The following NPAS3 variants were observed in gnomAD, a reference collection of about 807,000 sequenced individuals.
The protein encoded by NPAS3 is neuronal PAS domain protein 3.
NPAS3 carries 14 observed loss-of-function variants against 73.1 expected under a neutral mutation model. The observed-to-expected ratio is 0.19, with a 90% CI of 0.13 to 0.30. NPAS3 has a LOEUF of 0.30. Ranked by LOEUF, NPAS3 falls within the 10% of genes least tolerant of loss-of-function variation. The pLI is 1.00. For missense variants in NPAS3, 1,096 were observed against 1,250.0 expected (o/e 0.88, Z 1.86); for synonymous variants, 620 against 541.5 (o/e 1.14, Z -2.01).
At chr14:33,704,093 A>C (rs2060593719) in intron 6 of NPAS3, among the ~76,000 whole-genome samples, 1 of 152,248 alleles carries the variant, frequency 6.6e-6, no homozygotes, top group African/African-American at 2.4e-5. Flanking sequence ...GATGAAAGAA[A>C]ACCCGTAGAA....
chr14:33,715,089 C>A (rs1400782122), intron 6 of NPAS3, among the ~76,000 whole-genome samples: 1 of 152,010 alleles, frequency 6.6e-6, no homozygotes, highest in Non-Finnish European at 1.5e-5. Context: ...GTCATTTGAC[C>A]CAGATTGTAT....
chr14:33,022,592 G>A (rs573844469), intron 1 of NPAS3, among the ~76,000 whole-genome samples: 1 of 150,960 alleles, frequency 6.6e-6, no homozygotes, highest in Admixed American at 6.6e-5. Flanking sequence ...GTGAACCCGG[G>A]AGGCGGAGCC....
At chr14:33,380,604 C>T (rs1048960634) in intron 4 of NPAS3, among the ~76,000 whole-genome samples, 1 of 152,054 alleles carries the variant, frequency 6.6e-6, no homozygotes. Flanking sequence ...TGCAGTAGAA[C>T]CGTGTCTAAG....
chr14:33,464,172 G>A (rs142808269), intron 4 of NPAS3, among the ~76,000 whole-genome samples: 1 of 152,160 alleles, frequency 6.6e-6, no homozygotes, highest in East Asian at 1.9e-4. Flanking sequence ...TTTGCTTAAT[G>A]CATTCATTGC....
chr14:33,024,441 A>G (rs902310807), intron 1 of NPAS3, among the ~76,000 whole-genome samples: 88 of 152,176 alleles, frequency 5.8e-4, no homozygotes, highest in African/African-American at 2.0e-3. Context: ...AAGTGCTGGG[A>G]TTACAGGCGT....
chr14:33,256,611 G>A (rs1594524907), intron 3 of NPAS3, among the ~76,000 whole-genome samples: 2 of 152,238 alleles, frequency 1.3e-5, no homozygotes, highest in Non-Finnish European at 2.9e-5. Flanking sequence ...CCGTTATAAT[G>A]TTTCATTACA....
chr14:33,449,645 A>G (rs2049697340), intron 4 of NPAS3, among the ~76,000 whole-genome samples: 1 of 152,096 alleles, frequency 6.6e-6, no homozygotes, highest in African/African-American at 2.4e-5. Context: ...ACACACACAC[A>G]CACACAGAGA....
chr14:33,487,430 A>G (rs1315474761), intron 4 of NPAS3, among the ~76,000 whole-genome samples: 1 of 152,170 alleles, frequency 6.6e-6, no homozygotes. Flanking sequence ...TTTAATCCCA[A>G]ATGGAGGCTT....
chr14:33,141,151 T>A (rs758253584), intron 2 of NPAS3, among the ~76,000 whole-genome samples: 1 of 152,212 alleles, frequency 6.6e-6, no homozygotes, highest in Non-Finnish European at 1.5e-5. Context: ...GTCAAGAATT[T>A]GACATGCCAA....
chr14:33,003,791 G>T (rs1476108773), intron 1 of NPAS3, among the ~76,000 whole-genome samples: 1 of 152,198 alleles, frequency 6.6e-6, no homozygotes. Context: ...TTCAAGAATA[G>T]TGTGTGTGAT....
intron 5 of NPAS3, chr14:33,612,453 T>C (rs1020435430): frequency 2.2e-6 from 1 of 455,952 alleles, no homozygotes; most frequent in African/African-American, 2.0e-5. Flanking sequence ...TCCAAGCAGA[T>C]GTTCTGTGGC....
intron 3 of NPAS3, among the ~76,000 whole-genome samples, chr14:33,365,340 G>C (rs1425847442): frequency 1.3e-5 from 2 of 151,964 alleles, no homozygotes; most frequent in East Asian, 3.9e-4. Context: ...AAATGCCAAA[G>C]GAGTTTTGAA....
At chr14:33,537,297 G>T (rs2054300205) in intron 4 of NPAS3, among the ~76,000 whole-genome samples, 1 of 151,926 alleles carries the variant, frequency 6.6e-6, no homozygotes, top group African/African-American at 2.4e-5. Flanking sequence ...CCTAATTTAG[G>T]GCACATTAGA....
At chr14:33,774,998 G>A (rs1204914412) in intron 8 of NPAS3, among the ~76,000 whole-genome samples, 2 of 152,092 alleles carry the variant, frequency 1.3e-5, no homozygotes, top group African/African-American at 2.4e-5. Context: ...AATTTACAAA[G>A]CTATTAAATA....
chr14:33,627,184 G>T (rs996737307), intron 5 of NPAS3, among the ~76,000 whole-genome samples: 1 of 152,156 alleles, frequency 6.6e-6, no homozygotes, highest in Non-Finnish European at 1.5e-5. Context: ...TCCACACTGG[G>T]TCACAGCATT....
intron 4 of NPAS3, among the ~76,000 whole-genome samples, chr14:33,424,493 G>A (rs2048475899): frequency 6.6e-6 from 1 of 151,970 alleles, no homozygotes; most frequent in Non-Finnish European, 1.5e-5. Context: ...AGGGCACTGG[G>A]GGTGGAGGCT....
At chr14:33,110,516 A>G (rs1208174423) in intron 2 of NPAS3, among the ~76,000 whole-genome samples, 3 of 152,208 alleles carry the variant, frequency 2.0e-5, no homozygotes, top group Non-Finnish European at 2.9e-5. Flanking sequence ...AACTTTTTGA[A>G]CACAAAAACC....
chr14:33,327,960 C>A (rs757234000), intron 3 of NPAS3, among the ~76,000 whole-genome samples: 29 of 152,142 alleles, frequency 1.9e-4, no homozygotes, highest in Non-Finnish European at 3.4e-4. Flanking sequence ...GGTTTTATAT[C>A]TCTAGCCACA....
chr14:33,800,719 G>T lies in NPAS3; in HGVS notation c.2412G>T (p.Pro804=), dbSNP rs1321999528. 1.5e-5 allele frequency: 24 copies of T among 1,550,664 alleles called. No homozygotes were observed. Among genetic ancestry groups the T allele is most frequent in the Non-Finnish European group, 1.9e-5 (22 of 1,149,860 alleles). Residue 804 remains proline (P), a synonymous_variant, in exon 12 of 12, where the codon CCG becomes CCT. Transcript: ENST00000356141. This position sits in a 1 kb window ranked among gnomAD's most constrained non-coding sequence, Gnocchi z 6.5. ...TGCAGGCGGGCAACGTCGTGCTCCC[G>T]CTGGTGCACAGGGTGACCGGGACCC...
Sources: allele counts gnomAD v4.1 joint callset (sites outside exome capture counted in the v4.1 genomes callset), GRCh38; gene constraint gnomAD v4.1.1; non-coding constraint Gnocchi (gnomAD v3.1); transcripts MANE v1.5; gene names NCBI Gene and HGNC (gene_info 2026-07-23, HGNC 2026-07-21).